The following NRP1 variants were observed in gnomAD, a reference collection of about 807,000 sequenced individuals.
NRP1 encodes the protein neuropilin-1.
Under a neutral mutation model 106.7 loss-of-function variants are expected in NRP1, and 35 were observed. That is an observed-to-expected ratio of 0.33 (90% CI 0.25 to 0.43). The LOEUF is 0.43. Ranked by LOEUF, NRP1 falls within the 20% of genes least tolerant of loss-of-function variation. The probability of loss-of-function intolerance (pLI) is 1.00; values close to 1 mark genes in which losing one functional copy is unlikely to be tolerated. For missense variants in NRP1, 1,024 were observed against 1,170.4 expected, an observed-to-expected ratio of 0.87 and a Z score of 1.83; for synonymous variants, 437 against 417.9, an observed-to-expected ratio of 1.05 and a Z score of -0.56.
At chr10:33,234,735 A>G (rs1034614533) in intron 6 of NRP1, among the ~76,000 whole-genome samples, 2 of 152,346 alleles carry the variant, frequency 1.3e-5, no homozygotes, top group East Asian at 3.9e-4. Context: ...AATTGCCTGA[A>G]TTAATGCCTT....
intron 3 of NRP1, among the ~76,000 whole-genome samples, chr10:33,269,871 A>C (rs911947526): frequency 6.6e-6 from 1 of 152,226 alleles, no homozygotes; most frequent in Non-Finnish European, 1.5e-5. Context: ...TCACCTGTAT[A>C]TGGGACCGTC....
Position 33,185,826 on chromosome 10 carries a change from C to A in NRP1, c.2335-102G>T, listed in dbSNP as rs41276084. On this transcript the variant is annotated intron_variant, in intron 14 of 16. Coordinates refer to ENST00000374867, the MANE Select transcript of NRP1 (RefSeq NM_003873.7). ...CCAGCTACGGCACATAAATTAAATT[C>A]ATCAGATTCAGCGTAACACAGACTT... 9 of 1,021,920 alleles carry A rather than the reference C, an allele frequency of 8.8e-6. No individual in the cohort carries two copies. In the East Asian group the frequency reaches 1.0e-4, roughly 12 times the overall value. The allele number at this position is 1,021,920 out of a possible 1,614,324, so 63.3% of individuals were successfully genotyped here. A position where few individuals can be genotyped will look rare whatever the true frequency, so the allele number is the denominator to read the frequency against.
chr10:33,280,906 T>G (rs1844073857), intron 2 of NRP1, among the ~76,000 whole-genome samples: 2 of 150,806 alleles, frequency 1.3e-5, no homozygotes, highest in South Asian at 2.1e-4. Context: ...CACTTGAACC[T>G]GGGAGGTTGA....
chr10:33,182,533 T>G (rs1251790838), intron 16 of NRP1, among the ~76,000 whole-genome samples, 165 bp downstream of exon 16: 1 of 152,156 alleles, frequency 6.6e-6, no homozygotes, highest in Non-Finnish European at 1.5e-5. Context: ...GGGTACTCTG[T>G]GAGCACAATC....
intron 10 of NRP1, among the ~76,000 whole-genome samples, chr10:33,206,606 TA>T (rs1837804658): frequency 6.6e-6 from 1 of 152,146 alleles, no homozygotes; most frequent in Non-Finnish European, 1.5e-5. Context: ...AAGGTGACAT[TA>T]AAAAGCATTC....
intron 9 of NRP1, among the ~76,000 whole-genome samples, chr10:33,208,316 G>C (rs930659796): frequency 2.6e-5 from 4 of 152,220 alleles, no homozygotes; most frequent in African/African-American, 9.7e-5. Flanking sequence ...GCCTCTCCAA[G>C]TGCTGGGATT....
intron 2 of NRP1, among the ~76,000 whole-genome samples, chr10:33,317,719 G>A (rs1203864943): frequency 6.6e-6 from 1 of 152,146 alleles, no homozygotes; most frequent in Non-Finnish European, 1.5e-5. Context: ...AGTCATTGAT[G>A]CTATTATCAT....
chr10:33,334,307 T>TA lies in NRP1; in HGVS notation c.73+2dup. 6.5e-7 allele frequency: 1 copy of TA among 1,541,384 alleles called. No homozygotes were observed. The highest frequency in any genetic ancestry group is 8.7e-7 in the Non-Finnish European group (1 of 1,146,020). On this transcript the variant is annotated splice_region_variant and intron_variant, in intron 1 of 16. Coordinates refer to ENST00000374867, the MANE Select transcript of NRP1 (RefSeq NM_003873.7). ...GTCACCCGCGCCTCTGCCTGTCACT[T>TA]ACCGTTGCGAAAAGCGCCGGCCGGG...
At chr10:33,261,351 A>C (rs989709473) in intron 4 of NRP1, among the ~76,000 whole-genome samples, 22 of 152,264 alleles carry the variant, frequency 1.4e-4, no homozygotes, top group Non-Finnish European at 2.9e-5. Flanking sequence ...ATGTCAATTT[A>C]AATGAAAGTT....
intron 2 of NRP1, among the ~76,000 whole-genome samples, chr10:33,273,273 G>T (rs1249760344): frequency 6.6e-6 from 1 of 152,044 alleles, no homozygotes; most frequent in East Asian, 1.9e-4. Flanking sequence ...GCCCCAAATA[G>T]TATCGCAAAT....
chr10:33,261,037 C>T (rs570614693), intron 4 of NRP1, among the ~76,000 whole-genome samples: 11 of 144,982 alleles, frequency 7.6e-5, no homozygotes, highest in Admixed American at 6.9e-4. Context: ...TTTTATTTTG[C>T]CTAAAAAAGA....
chr10:33,327,920 G>A (rs2132944854), intron 2 of NRP1, among the ~76,000 whole-genome samples: 1 of 152,150 alleles, frequency 6.6e-6, no homozygotes, highest in African/African-American at 2.4e-5. Context: ...AAACACAGCA[G>A]GAAGATATTT....
chr10:33,287,884 T>G (rs762040270), intron 2 of NRP1, among the ~76,000 whole-genome samples: 2 of 152,136 alleles, frequency 1.3e-5, no homozygotes, highest in Non-Finnish European at 2.9e-5. Context: ...TTGAGGACAT[T>G]TCCATAGCAG....
At chr10:33,232,787 C>T (rs1331690283) in intron 6 of NRP1, among the ~76,000 whole-genome samples, 1 of 151,496 alleles carries the variant, frequency 6.6e-6, no homozygotes, top group Non-Finnish European at 1.5e-5. Context: ...GGATTGTAGG[C>T]CCCCGCTCTC....
rs374304776 is a variant in NRP1, at chr10:33,203,019, T to C, written c.1760-24A>G. 6.9e-6 allele frequency: 11 copies of C among 1,591,404 alleles called. No homozygotes were observed. The Admixed American group carries it at 8.5e-5, about 12-fold the overall frequency. ...GGCTGAAACAAGATCCAAGGATTAT[T>C]ATCTCACACCTTGGAAATGTATTCT... is the stretch of plus-strand genomic sequence containing the variant. On this transcript the variant is annotated intron_variant, in intron 10 of 16. Coordinates refer to ENST00000374867, the MANE Select transcript of NRP1 (RefSeq NM_003873.7).
At chr10:33,307,412 G>A (rs1366264697) in intron 2 of NRP1, among the ~76,000 whole-genome samples, 1 of 152,082 alleles carries the variant, frequency 6.6e-6, no homozygotes, top group Non-Finnish European at 1.5e-5. Context: ...TGCATGCAAA[G>A]CCTAAAATAT....
At chr10:33,286,276 G>T (rs749600735) in intron 2 of NRP1, among the ~76,000 whole-genome samples, 4 of 152,328 alleles carry the variant, frequency 2.6e-5, no homozygotes, top group Non-Finnish European at 5.9e-5. Flanking sequence ...GGGATGGCAA[G>T]TATGCATGTA....
At chr10:33,249,600 A>T in intron 6 of NRP1, 1 of 463,072 alleles carries the variant, frequency 2.2e-6, no homozygotes, top group Non-Finnish European at 4.4e-6. Context: ...AATTAATAAT[A>T]AGATCAGCAG....
intron 2 of NRP1, among the ~76,000 whole-genome samples, chr10:33,286,308 A>T (rs1844534027): frequency 6.6e-6 from 1 of 152,174 alleles, no homozygotes; most frequent in Non-Finnish European, 1.5e-5. Context: ...GGCTCTGCAA[A>T]ACGTGTGGGA....
Sources: allele counts gnomAD v4.1 joint callset (sites outside exome capture counted in the v4.1 genomes callset), GRCh38; gene constraint gnomAD v4.1.1; transcripts MANE v1.5; gene names NCBI Gene and HGNC (gene_info 2026-07-23, HGNC 2026-07-21).